CAPN5: variants seen among roughly 807,000 people sequenced by gnomAD.
CAPN5 encodes the protein calpain-5.
Under a neutral mutation model 73.0 loss-of-function variants are expected in CAPN5, and 54 were observed. The observed-to-expected ratio is 0.74, with a 90% CI of 0.59 to 0.93. CAPN5 has a LOEUF of 0.93. Among genes scored for constraint, CAPN5 ranks in the 40% least tolerant of loss-of-function variants. The pLI is 0.00. For synonymous variants in CAPN5, 335 were observed against 356.9 expected, an observed-to-expected ratio of 0.94 and a Z score of 0.69; for missense variants, 785 against 882.9, an observed-to-expected ratio of 0.89 and a Z score of 1.41.
At chr11:77,123,033 A>C (rs1329168084) in intron 12 of CAPN5, among the ~76,000 whole-genome samples, 1 of 152,212 alleles carries the variant, frequency 6.6e-6, no homozygotes, top group African/African-American at 2.4e-5. Context: ...TGGGGGGCCC[A>C]CCTGGAAAGT....
chr11:77,084,951 G>A lies in CAPN5; in HGVS notation c.65G>A (p.Arg22His), dbSNP rs782464684. 53 of 1,613,608 alleles carry A rather than the reference G, an allele frequency of 3.3e-5. No homozygotes were observed. Among genetic ancestry groups the A allele is most frequent in the South Asian group, 1.5e-4 (14 of 91,090 alleles). ...NYSALRRDCRRRKVLFEDPLF... is the reference protein window; with the variant it reads ...NYSALRRDCRHRKVLFEDPLF... Reference sequence around the variant, plus strand: ...TCAGCCCTGAGGCGGGACTGCCGGCGCAGGAAGGTGCTCTTCGAGGACCCC... The same window carrying A: ...TCAGCCCTGAGGCGGGACTGCCGGCACAGGAAGGTGCTCTTCGAGGACCCC... Residue 22 changes from arginine to histidine, a missense_variant, in exon 2 of 13, where the codon CGC becomes CAC. Arg to His is a conservative substitution (Grantham distance 29). Transcript: ENST00000648180.
Position 77,125,893 on chromosome 11 carries a change from AGGCT to A in CAPN5, c.*2028_*2031del, listed in dbSNP as rs1950571447. 6.6e-6 allele frequency: 1 copy of A among 152,484 alleles called. No homozygotes were observed. The highest frequency in any genetic ancestry group is 1.5e-5 in the Non-Finnish European group (1 of 68,056). The allele number at this position is 152,484 out of a possible 1,614,324, so 9.4% of individuals were successfully genotyped here. A position where few individuals can be genotyped will look rare whatever the true frequency, so the allele number is the denominator to read the frequency against. ...TGCTTCCTGCCCCTTGAGGTGGGCC[AGGCT>A]GGCTCCTGGCTATGCAGGGATCTCT... is the stretch of plus-strand genomic sequence containing the variant. On this transcript the variant is annotated 3_prime_UTR_variant, in exon 13 of 13. Transcript: ENST00000648180.
At chr11:77,085,216 G>A (rs533544404) in intron 2 of CAPN5, among the ~76,000 whole-genome samples, 165 bp downstream of exon 2, 1 of 152,298 alleles carries the variant, frequency 6.6e-6, no homozygotes, top group South Asian at 2.1e-4. Context: ...GGGGAGCTTG[G>A]AGAATGGGCT....
At chr11:77,120,687 G>A (rs1555042605) in intron 9 of CAPN5, 26 bp from the exon 10 acceptor site, 2 of 1,568,190 alleles carry the variant, frequency 1.3e-6, no homozygotes, top group East Asian at 2.3e-5. Context: ...GTCTCCGCGT[G>A]GCCCAGCCCC....
At chr11:77,108,919 TC>T (rs1950381419) in intron 3 of CAPN5, among the ~76,000 whole-genome samples, 1 of 152,228 alleles carries the variant, frequency 6.6e-6, no homozygotes, top group Non-Finnish European at 1.5e-5. Flanking sequence ...TTTTATTTTT[TC>T]CTAGTAAATT....
chr11:77,106,837 G>A lies in CAPN5; in HGVS notation c.298-5752G>A, dbSNP rs564155478. ...TAGGCCAGTGCCGATGGCAGCAGGC[G>A]CAGGGCGGAGGGGTGGGCAGGAACC... On this transcript the variant is annotated intron_variant, in intron 3 of 12. Coordinates refer to ENST00000648180, the MANE Select transcript of CAPN5 (RefSeq NM_004055.5). Among the ~76,000 whole-genome samples, 8 of 152,348 alleles carry A rather than the reference G, an allele frequency of 5.3e-5. No homozygotes were observed. In the South Asian group the frequency reaches 1.0e-3, roughly 20 times the overall value.
Position 77,091,446 on chromosome 11 carries a change from C to T in CAPN5, c.166-2236C>T, listed in dbSNP as rs1004273157. Among the ~76,000 whole-genome samples the T allele has an allele frequency of 3.9e-5, 6 of 152,198 alleles. 1 individual carries two copies. The highest frequency in any genetic ancestry group is 4.1e-4 in the South Asian group (2 of 4,830). On this transcript the variant is annotated intron_variant, in intron 2 of 12. Transcript: ENST00000648180. Reference sequence around the variant, plus strand: ...GCTGCCATCTGCCCATGCTGTGTGGCGGGGACATGGTATTACACCTCCCTG... The same window carrying T: ...GCTGCCATCTGCCCATGCTGTGTGGTGGGGACATGGTATTACACCTCCCTG...
intron 7 of CAPN5, 83 bp downstream of exon 7, chr11:77,116,386 A>G: frequency 1.9e-6 from 2 of 1,045,586 alleles, no homozygotes; most frequent in East Asian, 2.5e-5. Flanking sequence ...GGGAGTCAGG[A>G]GCCAGGCCTC....
At chr11:77,082,538 G>T (rs1555034775) in intron 1 of CAPN5, among the ~76,000 whole-genome samples, 1 of 152,220 alleles carries the variant, frequency 6.6e-6, no homozygotes, top group Non-Finnish European at 1.5e-5. Flanking sequence ...CAGATGGAGG[G>T]TGCAGAGGGG....
At chr11:77,082,323 G>C (rs1350546620) in intron 1 of CAPN5, among the ~76,000 whole-genome samples, 1 of 152,196 alleles carries the variant, frequency 6.6e-6, no homozygotes, top group Non-Finnish European at 1.5e-5. Flanking sequence ...CAGGGGTCCT[G>C]CTCGGCCCAA....
intron 2 of CAPN5, chr11:77,087,992 G>A (rs1950107662): frequency 1.3e-6 from 2 of 1,535,656 alleles, no homozygotes; most frequent in Non-Finnish European, 1.7e-6. Flanking sequence ...GAGATGCACG[G>A]AGAATGGAGA....
intron 7 of CAPN5, 123 bp from the exon 8 acceptor site, chr11:77,118,034 C>T: frequency 1.2e-6 from 1 of 860,588 alleles, no homozygotes; most frequent in Non-Finnish European, 1.8e-6. Flanking sequence ...TAGCTCCCCT[C>T]TCAAAGCCAG....
In CAPN5 at chr11:77,115,416, G is replaced by T. The variant is rs782123304; in HGVS notation, c.721G>T (p.Glu241Ter). ...ACAGGCAGTGACAGCAGCTGACATG[G>T]AGGCCCGCCTGGCGTGCGGCCTGGT... is the stretch of plus-strand genomic sequence containing the variant. Reference protein sequence around the residue: ...SIKAVTAADMEARLACGLVKG... With the variant: ...SIKAVTAADM Residue 241 changes from glutamate to a stop codon, truncating the protein, a stop_gained, in exon 6 of 13, where the codon GAG becomes TAG. Transcript: ENST00000648180. LOFTEE classifies it high-confidence loss of function. The T allele has an allele frequency of 6.2e-7, 1 of 1,604,646 alleles. No individual in the cohort carries two copies.
At position 77,123,680 on chromosome 11, in the gene CAPN5, C is replaced by T; in HGVS notation, c.1741-8C>T. 5 of 1,611,606 alleles carry T rather than the reference C, an allele frequency of 3.1e-6. No individual in the cohort carries two copies. The highest frequency in any genetic ancestry group is 1.3e-5 in the African/African-American group (1 of 74,976). On this transcript the variant is annotated splice_polypyrimidine_tract_variant and splice_region_variant and intron_variant, in intron 12 of 12. Coordinates refer to ENST00000648180, the MANE Select transcript of CAPN5 (RefSeq NM_004055.5). Reference sequence around the variant, plus strand: ...CCGCCCCTCCCATGATCCTCTGTCTCTTCCCAGGTCTGGAACCACCGAGTG... The same window carrying T: ...CCGCCCCTCCCATGATCCTCTGTCTTTTCCCAGGTCTGGAACCACCGAGTG...
intron 3 of CAPN5, among the ~76,000 whole-genome samples, chr11:77,106,105 G>T (rs1450572303): frequency 6.6e-6 from 1 of 152,126 alleles, no homozygotes; most frequent in African/African-American, 2.4e-5. Context: ...CTCACCAGTG[G>T]TTTTGTTTTG....
chr11:77,096,392 T>C (rs565305854), intron 3 of CAPN5, among the ~76,000 whole-genome samples: 1 of 152,286 alleles, frequency 6.6e-6, no homozygotes, highest in South Asian at 2.1e-4. Flanking sequence ...CCCAGGGTCG[T>C]GGAGGATTAA....
chr11:77,103,367 C>G (rs1452513753), intron 3 of CAPN5: 3 of 1,579,938 alleles, frequency 1.9e-6, no homozygotes, highest in South Asian at 1.1e-5. Flanking sequence ...TCTAGCCCAC[C>G]TGTGCTCTCC....
At chr11:77,070,900 C>A (rs1320638412) in intron 1 of CAPN5, among the ~76,000 whole-genome samples, 1 of 152,176 alleles carries the variant, frequency 6.6e-6, no homozygotes, top group Admixed American at 6.5e-5. Context: ...CAGGCAGATC[C>A]TCTCCACCTC....
chr11:77,077,641 TGCCTCA>T (rs1949985813), intron 1 of CAPN5, among the ~76,000 whole-genome samples: 1 of 152,020 alleles, frequency 6.6e-6, no homozygotes, highest in Non-Finnish European at 1.5e-5. Flanking sequence ...GCGATTCTTC[TGCCTCA>T]GCCTCCTGAG....
Sources: gnomAD v4.1 joint callset for allele counts (sites outside exome capture counted in the v4.1 genomes callset) on GRCh38, gnomAD v4.1.1 for gene constraint, MANE v1.5 for transcripts, NCBI Gene and HGNC (gene_info 2026-07-23, HGNC 2026-07-21) for gene names.